Variants in CMIP observed in about 807,000 individuals in gnomAD.
CMIP encodes C-Maf-inducing protein.
A neutral mutation model predicts 97.3 loss-of-function variants in CMIP; 13 were observed. The ratio of observed to expected loss-of-function variants is 0.13; its 90% CI spans 0.09 to 0.21. The LOEUF (loss-of-function observed/expected upper bound fraction) is 0.21. Among genes scored for constraint, CMIP ranks in the 10% least tolerant of loss-of-function variants. The pLI is 1.00. For missense variants in CMIP, 847 were observed against 1,024.9 expected (o/e 0.83, Z 2.37); for synonymous variants, 538 against 436.3 (o/e 1.23, Z -2.91).
intron 1 of CMIP, among the ~76,000 whole-genome samples, chr16:81,564,485 C>T (rs142204520): frequency 4.3e-4 from 65 of 152,318 alleles, no homozygotes; most frequent in African/African-American, 1.5e-3. Flanking sequence ...TGAGCTCCTC[C>T]CTGGAATCCC....
chr16:81,661,892 T>C (rs1375507414), intron 6 of CMIP, among the ~76,000 whole-genome samples: 2 of 152,192 alleles, frequency 1.3e-5, no homozygotes, highest in African/African-American at 4.8e-5. Flanking sequence ...CCTTCTGGTC[T>C]GAGTGCCCAG....
At chr16:81,576,143 C>T (rs1220299377) in intron 1 of CMIP, among the ~76,000 whole-genome samples, 4 of 152,192 alleles carry the variant, frequency 2.6e-5, no homozygotes, top group Non-Finnish European at 5.9e-5. Context: ...GTGGCTCACT[C>T]CTGTAAACCC....
chr16:81,527,208 G>C (rs1448697335), intron 1 of CMIP, among the ~76,000 whole-genome samples: 1 of 152,230 alleles, frequency 6.6e-6, no homozygotes, highest in East Asian at 1.9e-4. Context: ...TGGAGAGTGA[G>C]GTTTGCAGAC....
intron 10 of CMIP, among the ~76,000 whole-genome samples, chr16:81,679,949 C>T (rs955066455): frequency 6.6e-6 from 1 of 152,202 alleles, no homozygotes; most frequent in Admixed American, 6.5e-5. Flanking sequence ...AGACACCTCC[C>T]CCTTTCTCGC....
intron 1 of CMIP, among the ~76,000 whole-genome samples, chr16:81,600,050 G>A (rs550691245): frequency 6.6e-6 from 1 of 152,138 alleles, no homozygotes; most frequent in African/African-American, 2.4e-5. Flanking sequence ...GGAGGCAGAG[G>A]TGGGTGGATC....
At chr16:81,550,404 A>G (rs1386155792) in intron 1 of CMIP, among the ~76,000 whole-genome samples, 6 of 152,198 alleles carry the variant, frequency 3.9e-5, no homozygotes, top group Non-Finnish European at 1.5e-5. Context: ...AGCTTTGGGA[A>G]GGTCTGGCCC....
chr16:81,657,107 G>A (rs960978828), intron 4 of CMIP, among the ~76,000 whole-genome samples: 1 of 152,250 alleles, frequency 6.6e-6, no homozygotes, highest in East Asian at 1.9e-4. Flanking sequence ...AGTAAGGGAT[G>A]TTCAACCTGT....
At chr16:81,709,414 C>G (rs1281975030) in intron 20 of CMIP, among the ~76,000 whole-genome samples, 1 of 152,208 alleles carries the variant, frequency 6.6e-6, no homozygotes, top group African/African-American at 2.4e-5. Context: ...CCCCTAGAGG[C>G]TGGGTTATCT....
intron 3 of CMIP, among the ~76,000 whole-genome samples, chr16:81,646,334 G>C (rs2092364645): frequency 6.6e-6 from 1 of 151,984 alleles, no homozygotes. Context: ...TGGGTGAGTA[G>C]ATGATGGATG....
chr16:81,596,783 C>G (rs1363703096), intron 1 of CMIP, among the ~76,000 whole-genome samples: 1 of 152,098 alleles, frequency 6.6e-6, no homozygotes, highest in African/African-American at 2.4e-5. Flanking sequence ...CCCAAGAAAC[C>G]CTTTAGTCCT....
intron 2 of CMIP, 150 bp downstream of exon 2, chr16:81,607,842 A>T: frequency 1.1e-6 from 1 of 898,974 alleles, no homozygotes; most frequent in Non-Finnish European, 1.7e-6. Context: ...AGAAAGCTGT[A>T]AACCAGGTCT....
intron 1 of CMIP, among the ~76,000 whole-genome samples, chr16:81,543,093 G>C (rs1670635431): frequency 6.6e-6 from 1 of 152,234 alleles, no homozygotes; most frequent in South Asian, 2.1e-4. Flanking sequence ...CAAGGGCCCA[G>C]GCCTGGCTGG....
intron 1 of CMIP, among the ~76,000 whole-genome samples, chr16:81,486,075 C>A (rs1597467561): frequency 6.6e-6 from 1 of 152,254 alleles, no homozygotes; most frequent in East Asian, 1.9e-4. Flanking sequence ...CCAAAGGCCA[C>A]ACGCAAGGCC....
chr16:81,573,584 A>G (rs2091135001), intron 1 of CMIP, among the ~76,000 whole-genome samples: 1 of 152,010 alleles, frequency 6.6e-6, no homozygotes, highest in African/African-American at 2.4e-5. Flanking sequence ...AAAAATAAGT[A>G]CAATATATCT....
At chr16:81,589,062 T>G (rs1399823843) in intron 1 of CMIP, among the ~76,000 whole-genome samples, 1 of 152,102 alleles carries the variant, frequency 6.6e-6, no homozygotes, top group African/African-American at 2.4e-5. Context: ...CTCAGAATAT[T>G]GTATTGCTTT....
chr16:81,620,700 G>C (rs2150960673), intron 2 of CMIP, 176 bp from the exon 3 acceptor site: 1 of 637,374 alleles, frequency 1.6e-6, no homozygotes. Context: ...CAGCCCTTCT[G>C]TTTTGGTTTT....
chr16:81,555,598 G>T (rs777766106), intron 1 of CMIP, among the ~76,000 whole-genome samples: 1 of 152,184 alleles, frequency 6.6e-6, no homozygotes, highest in African/African-American at 2.4e-5. Context: ...TTTGGGGCCC[G>T]GAGAGATCTG....
intron 1 of CMIP, among the ~76,000 whole-genome samples, chr16:81,512,606 A>G (rs2089835197): frequency 6.6e-6 from 1 of 152,244 alleles, no homozygotes; most frequent in Non-Finnish European, 1.5e-5. Flanking sequence ...AGTTTAGAGT[A>G]ATAAACTGAT....
intron 1 of CMIP, among the ~76,000 whole-genome samples, chr16:81,500,272 G>GTCCGTCCT (rs1567546095): frequency 2.0e-4 from 13 of 64,832 alleles, no homozygotes; most frequent in Non-Finnish European, 2.7e-4. Flanking sequence ...CCTTCCTTCC[G>GTCCGTCCT]TCCTTCCTTC....
Sources: allele counts gnomAD v4.1 joint callset (sites outside exome capture counted in the v4.1 genomes callset), GRCh38; gene constraint gnomAD v4.1.1; transcripts MANE v1.5; gene names NCBI Gene and HGNC (gene_info 2026-07-23, HGNC 2026-07-21).